The following ADGRL3 variants were observed in gnomAD, a reference collection of about 807,000 sequenced individuals.
ADGRL3 encodes the protein adhesion G protein-coupled receptor L3, also known as calcium-independent alpha-latrotoxin receptor 3.
ADGRL3 carries 62 observed loss-of-function variants against 153.5 expected under a neutral mutation model. The observed-to-expected ratio is 0.40, with a 90% CI of 0.33 to 0.50. ADGRL3 has a LOEUF of 0.50. Among genes scored for constraint, ADGRL3 ranks in the 20% least tolerant of loss-of-function variants. ADGRL3 has a pLI of 0.47. For missense variants in ADGRL3, 1,641 were observed against 1,859.4 expected (o/e 0.88, Z 2.16); for synonymous variants, 710 against 672.5 (o/e 1.06, Z -0.86).
intron 5 of ADGRL3, among the ~76,000 whole-genome samples, chr4:61,655,319 C>T (rs914143752): frequency 6.6e-6 from 1 of 152,104 alleles, no homozygotes; most frequent in Non-Finnish European, 1.5e-5. Flanking sequence ...TTAACGGATA[C>T]AAGCCTGCCT....
At chr4:61,605,534 CTAAT>C (rs889950356) in intron 5 of ADGRL3, among the ~76,000 whole-genome samples, 70 of 152,194 alleles carry the variant, frequency 4.6e-4, no homozygotes, top group African/African-American at 1.5e-3. Flanking sequence ...AATATACACT[CTAAT>C]TAATTATTCC....
chr4:61,641,229 G>A (rs2150168523), intron 5 of ADGRL3, among the ~76,000 whole-genome samples: 1 of 151,736 alleles, frequency 6.6e-6, no homozygotes, highest in South Asian at 2.1e-4. Context: ...TGCCTACTTG[G>A]CACAGTGCTT....
chr4:61,696,449 C>A (rs1288926090), intron 6 of ADGRL3, among the ~76,000 whole-genome samples: 1 of 151,930 alleles, frequency 6.6e-6, no homozygotes, highest in African/African-American at 2.4e-5. Flanking sequence ...CTTTTCTTTA[C>A]CAATACTATC....
At chr4:61,646,858 G>A (rs939575659) in intron 5 of ADGRL3, among the ~76,000 whole-genome samples, 2 of 152,316 alleles carry the variant, frequency 1.3e-5, no homozygotes, top group Admixed American at 1.3e-4. Context: ...GGGCAATGGC[G>A]GGCGCCCCTC....
At chr4:61,620,531 T>C (rs1457216071) in intron 5 of ADGRL3, among the ~76,000 whole-genome samples, 1 of 152,128 alleles carries the variant, frequency 6.6e-6, no homozygotes. Context: ...CCAGTGTCTC[T>C]TTTATGCTTG....
intron 21 of ADGRL3, among the ~76,000 whole-genome samples, chr4:62,013,901 T>A (rs2151288824): frequency 6.6e-6 from 1 of 151,332 alleles, no homozygotes; most frequent in East Asian, 2.0e-4. Flanking sequence ...AAAAAAAATT[T>A]TTTTTTTGTT....
chr4:61,280,998 G>C (rs993378432), intron 1 of ADGRL3, among the ~76,000 whole-genome samples: 2 of 151,788 alleles, frequency 1.3e-5, no homozygotes, highest in Non-Finnish European at 1.5e-5. Context: ...TAAAGCTCTG[G>C]AATATTATGC....
intron 1 of ADGRL3, among the ~76,000 whole-genome samples, chr4:61,364,082 A>G (rs531464780): frequency 6.6e-6 from 1 of 152,174 alleles, no homozygotes; most frequent in Admixed American, 6.5e-5. Flanking sequence ...CTGTAATCTC[A>G]GCACCTTGGG....
At chr4:61,425,440 A>G (rs999703118) in intron 2 of ADGRL3, 1 of 152,310 alleles carries the variant, frequency 6.6e-6, no homozygotes, top group Non-Finnish European at 1.5e-5. Flanking sequence ...TGCAGATCCT[A>G]CAGTTGGAAA....
rs1041904726 is a variant in ADGRL3 at position 61,929,420 on chromosome 4, A to C, written c.2113-5420A>C. 3.3e-5 allele frequency among the ~76,000 whole-genome samples: 5 copies of C among 152,198 alleles called. No homozygotes were observed. The East Asian group carries it at 9.6e-4, about 29-fold the overall frequency. On this transcript the variant is annotated intron_variant, in intron 13 of 26. Transcript: ENST00000683033. ...GGACTAAGAGCCCACTGGGGTATTG[A>C]TTCTCTGAAGTGAGACTAATTCAAG...
intron 1 of ADGRL3, among the ~76,000 whole-genome samples, chr4:61,364,395 A>T (rs2096356268): frequency 6.6e-6 from 1 of 151,860 alleles, no homozygotes; most frequent in Non-Finnish European, 1.5e-5. Flanking sequence ...TATATGGGCA[A>T]TATATGTCGT....
intron 25 of ADGRL3, among the ~76,000 whole-genome samples, chr4:62,049,822 A>G (rs2151744306): frequency 6.6e-6 from 1 of 152,234 alleles, no homozygotes; most frequent in Middle Eastern, 3.4e-3. Context: ...ACCTCTGGCA[A>G]ATTGCTTAAC....
chr4:61,677,079 A>G (rs1580229868), intron 6 of ADGRL3, 144 bp downstream of exon 6: 1 of 593,660 alleles, frequency 1.7e-6, no homozygotes, highest in Non-Finnish European at 3.0e-6. Context: ...AGAATCATAG[A>G]CCCTCCCTGC....
At chr4:61,809,909 C>G (rs980763260) in intron 8 of ADGRL3, among the ~76,000 whole-genome samples, 4 of 152,032 alleles carry the variant, frequency 2.6e-5, no homozygotes, top group Non-Finnish European at 5.9e-5. Context: ...TCAGAATGCC[C>G]TTATGAGGTC....
At chr4:61,577,128 C>G (rs1443571447) in intron 4 of ADGRL3, among the ~76,000 whole-genome samples, 2 of 148,968 alleles carry the variant, frequency 1.3e-5, no homozygotes. Flanking sequence ...ACTGAAAGCT[C>G]TTTGTCCTTT....
intron 6 of ADGRL3, among the ~76,000 whole-genome samples, chr4:61,685,978 A>T (rs183763927): frequency 6.6e-6 from 1 of 152,140 alleles, no homozygotes; most frequent in Non-Finnish European, 1.5e-5. Context: ...CTAATTAGTA[A>T]GGAATCGAGA....
intron 5 of ADGRL3, among the ~76,000 whole-genome samples, chr4:61,603,728 G>T (rs988270575): frequency 6.6e-6 from 1 of 151,426 alleles, no homozygotes; most frequent in Admixed American, 6.6e-5. Context: ...GTGTGTGTGT[G>T]TGTTTGTTTG....
intron 8 of ADGRL3, among the ~76,000 whole-genome samples, chr4:61,756,736 G>C (rs1318510513): frequency 1.3e-5 from 2 of 152,286 alleles, no homozygotes; most frequent in African/African-American, 4.8e-5. Flanking sequence ...TGCCCATTCA[G>C]TATGATATTG....
intron 6 of ADGRL3, among the ~76,000 whole-genome samples, chr4:61,694,205 T>A (rs2095598234): frequency 1.0e-5 from 1 of 98,344 alleles, no homozygotes; most frequent in Non-Finnish European, 1.9e-5. Flanking sequence ...TTTTTTTTTT[T>A]TTTTTTTTTT....
Sources: allele counts gnomAD v4.1 joint callset (sites outside exome capture counted in the v4.1 genomes callset), GRCh38; gene constraint gnomAD v4.1.1; transcripts MANE v1.5; gene names NCBI Gene and HGNC (gene_info 2026-07-23, HGNC 2026-07-21).